The following CAMKMT variants were observed in gnomAD, a reference collection of about 807,000 sequenced individuals.
CAMKMT encodes calmodulin-lysine N-methyltransferase.
In CAMKMT, 53 loss-of-function variants were observed where a neutral mutation model predicts 48.0. That is an observed-to-expected ratio of 1.10 (90% CI 0.89 to 1.39). CAMKMT has a LOEUF of 1.39. Among genes scored for constraint, CAMKMT ranks in the 40% most tolerant of loss-of-function variants. CAMKMT has a pLI of 0.00. For synonymous variants in CAMKMT, 165 were observed against 152.3 expected (o/e 1.08, Z -0.61); for missense variants, 428 against 402.7 (o/e 1.06, Z -0.54).
chr2:44,554,369 A>G (rs1317399800), intron 3 of CAMKMT, among the ~76,000 whole-genome samples: 3 of 152,192 alleles, frequency 2.0e-5, no homozygotes, highest in East Asian at 1.9e-4. Flanking sequence ...CTTGTTGACT[A>G]TGGGTCTTGG....
intron 3 of CAMKMT, among the ~76,000 whole-genome samples, chr2:44,586,764 G>T (rs1046949714): frequency 3.9e-5 from 6 of 152,138 alleles, no homozygotes; most frequent in Non-Finnish European, 7.3e-5. Flanking sequence ...TAAAGCTGTT[G>T]TGACATTTAT....
At chr2:44,681,997 G>C (rs370616652) in intron 3 of CAMKMT, among the ~76,000 whole-genome samples, 2 of 152,172 alleles carry the variant, frequency 1.3e-5, no homozygotes, top group African/African-American at 4.8e-5. Flanking sequence ...CCTCGGTCTC[G>C]ATAAGTCTGC....
intron 3 of CAMKMT, among the ~76,000 whole-genome samples, chr2:44,644,568 C>T (rs1276656716): frequency 1.3e-5 from 2 of 152,148 alleles, no homozygotes; most frequent in African/African-American, 4.8e-5. Flanking sequence ...AATGTTAAAG[C>T]CATGTATGTG....
intron 3 of CAMKMT, among the ~76,000 whole-genome samples, chr2:44,683,822 C>CAAAAAAAAAAAAAAAAAAA (rs10644183): frequency 4.2e-5 from 3 of 70,902 alleles, no homozygotes; most frequent in East Asian, 4.4e-4. Flanking sequence ...GACTCTGTCT[C>CAAAAAAAAAAAAAAAAAAA]AAAAAAAAAA....
At chr2:44,683,621 C>T (rs1676145841) in intron 3 of CAMKMT, among the ~76,000 whole-genome samples, 1 of 151,912 alleles carries the variant, frequency 6.6e-6, no homozygotes, top group African/African-American at 2.4e-5. Flanking sequence ...GAGATCAAGA[C>T]CATCCTGGCT....
chr2:44,577,815 C>T (rs6713636), intron 3 of CAMKMT, among the ~76,000 whole-genome samples: 1 of 151,956 alleles, frequency 6.6e-6, no homozygotes, highest in African/African-American at 2.4e-5. Context: ...TGCAGTGGAC[C>T]CAATTAAATA....
chr2:44,417,655 C>G (rs771430398), intron 3 of CAMKMT, among the ~76,000 whole-genome samples: 1 of 152,148 alleles, frequency 6.6e-6, no homozygotes, highest in African/African-American at 2.4e-5. Flanking sequence ...AGTGGTTGTA[C>G]TATTTTACAT....
intron 3 of CAMKMT, among the ~76,000 whole-genome samples, chr2:44,532,505 T>A (rs1047799889): frequency 1.3e-5 from 2 of 152,216 alleles, no homozygotes. Flanking sequence ...AGTCAGCTTC[T>A]GTATTTGGTG....
chr2:44,581,310 G>A (rs1669547341), intron 3 of CAMKMT, among the ~76,000 whole-genome samples: 1 of 152,032 alleles, frequency 6.6e-6, no homozygotes, highest in Non-Finnish European at 1.5e-5. Context: ...TTAATATTTT[G>A]TTTTACCAGC....
chr2:44,621,923 T>C (rs1672217287), intron 3 of CAMKMT, among the ~76,000 whole-genome samples: 1 of 152,198 alleles, frequency 6.6e-6, no homozygotes, highest in Admixed American at 6.6e-5. Flanking sequence ...ATTGTGGTGG[T>C]GGCAATAGTA....
intron 3 of CAMKMT, among the ~76,000 whole-genome samples, chr2:44,599,148 C>T (rs1340684192): frequency 6.6e-6 from 1 of 152,082 alleles, no homozygotes; most frequent in Non-Finnish European, 1.5e-5. Flanking sequence ...ATGGGAAAAA[C>T]ATTTAAACCT....
At chr2:44,668,762 T>TTTAC (rs1400489391) in intron 3 of CAMKMT, among the ~76,000 whole-genome samples, 1 of 152,102 alleles carries the variant, frequency 6.6e-6, no homozygotes, top group East Asian at 1.9e-4. Flanking sequence ...TTTGCCATCA[T>TTTAC]TTACTTGCTT....
At chr2:44,753,920 C>G (rs1440537372) in intron 8 of CAMKMT, 135 bp from the exon 9 acceptor site, 2 of 674,082 alleles carry the variant, frequency 3.0e-6, no homozygotes, top group East Asian at 5.3e-5. Context: ...CAGTGAGACA[C>G]TTGAATGGTA....
chr2:44,382,654 T>C (rs1327530594), intron 2 of CAMKMT, among the ~76,000 whole-genome samples: 1 of 151,970 alleles, frequency 6.6e-6, no homozygotes, highest in Non-Finnish European at 1.5e-5. Flanking sequence ...AATCTTTTTG[T>C]ATTTTTAGTA....
intron 3 of CAMKMT, among the ~76,000 whole-genome samples, chr2:44,449,036 AATTG>A (rs1667153906): frequency 6.6e-6 from 1 of 152,174 alleles, no homozygotes; most frequent in African/African-American, 2.4e-5. Flanking sequence ...AATGTTGAAA[AATTG>A]ATTGCGACAA....
chr2:44,538,396 GAA>G (rs1666900806), intron 3 of CAMKMT, among the ~76,000 whole-genome samples: 4 of 150,054 alleles, frequency 2.7e-5, no homozygotes, highest in Admixed American at 2.7e-4. Context: ...GAAAAGAAAA[GAA>G]AAAAGAAAAT....
intron 6 of CAMKMT, among the ~76,000 whole-genome samples, chr2:44,715,053 T>C (rs1480950683): frequency 6.6e-6 from 1 of 151,782 alleles, no homozygotes; most frequent in African/African-American, 2.4e-5. Flanking sequence ...ATTAGCTGGG[T>C]GTGGTGGCTC....
chr2:44,414,273 A>G (rs537804841), intron 3 of CAMKMT, among the ~76,000 whole-genome samples: 5 of 152,198 alleles, frequency 3.3e-5, no homozygotes, highest in African/African-American at 9.6e-5. Flanking sequence ...ACAAATATTT[A>G]TTATCTAACA....
intron 3 of CAMKMT, among the ~76,000 whole-genome samples, chr2:44,465,870 A>G (rs1390932016): frequency 6.6e-6 from 1 of 152,234 alleles, no homozygotes; most frequent in Non-Finnish European, 1.5e-5. Context: ...TAGCAACCAA[A>G]GGAAAAAGGA....
Sources: allele counts gnomAD v4.1 joint callset (sites outside exome capture counted in the v4.1 genomes callset), GRCh38; gene constraint gnomAD v4.1.1; transcripts MANE v1.5; gene names NCBI Gene and HGNC (gene_info 2026-07-23, HGNC 2026-07-21).